The following UBR4 variants were observed in gnomAD, a reference collection of about 807,000 sequenced individuals.
UBR4 encodes ubiquitin protein ligase E3 component n-recognin 4, also known as E3 ubiquitin-protein ligase UBR4.
UBR4 carries 124 observed loss-of-function variants against 575.6 expected under a neutral mutation model. The observed-to-expected ratio is 0.22, with a 90% CI of 0.19 to 0.25. The LOEUF is 0.25. UBR4 is among the 10% of genes least tolerant of loss of function. The probability of loss-of-function intolerance (pLI) is 1.00; values close to 1 mark genes in which losing one functional copy is unlikely to be tolerated. For synonymous variants in UBR4, 2,455 were observed against 2,473.7 expected, an observed-to-expected ratio of 0.99 and a Z score of 0.22; for missense variants, 4,818 against 6,478.8, an observed-to-expected ratio of 0.74 and a Z score of 8.80.
At chr1:19,151,153 T>C in intron 48 of UBR4, 1 of 339,000 alleles carries the variant, frequency 2.9e-6, no homozygotes, top group Non-Finnish European at 5.5e-6. Context: ...ACAGCAACTA[T>C]ATCTAGAAGA....
Position 19,187,211 on chromosome 1 carries a change from G to A in UBR4, c.1585C>T (p.Pro529Ser). ...QRIQRLIDSV[P>S]LMNLLLTLLS... ...AACGTCAAGAGCAGGTTCATCAGTG[G>A]GACAGAGTCAATCAGCCGTTGAATC... Residue 529 changes from proline to serine, a missense_variant, in exon 13 of 106, where the codon CCA becomes TCA. Pro to Ser is a moderately conservative substitution (Grantham distance 74). Coordinates refer to ENST00000375254, the MANE Select transcript of UBR4 (RefSeq NM_020765.3). 1 of 1,613,734 alleles carries A rather than the reference G, an allele frequency of 6.2e-7. No homozygotes were observed. Among genetic ancestry groups the A allele is most frequent in the African/African-American group, 1.3e-5 (1 of 74,922 alleles).
rs1016415076 is a variant in UBR4, at chr1:19,157,702, C to T, written c.5760+113G>A. ...ATCTGTCCCTGAAGCATTCTTAGAACGCAGTGGACTTTTTCCCACAGAGGG... is the reference window on the plus strand; with the variant it reads ...ATCTGTCCCTGAAGCATTCTTAGAATGCAGTGGACTTTTTCCCACAGAGGG... On this transcript the variant is annotated intron_variant, in intron 40 of 105. Coordinates refer to ENST00000375254, the MANE Select transcript of UBR4 (RefSeq NM_020765.3). This position sits in a 1 kb window ranked among gnomAD's most constrained non-coding sequence, Gnocchi z 4.4. 12 of 1,328,450 alleles carry T rather than the reference C, an allele frequency of 9.0e-6. No homozygotes were observed. The highest frequency in any genetic ancestry group is 2.9e-5 in the South Asian group (2 of 68,312). 82.3% of individuals were successfully genotyped at this position (1,328,450 alleles called of 1,614,324 possible). A position where few individuals can be genotyped will look rare whatever the true frequency, so the allele number is the denominator to read the frequency against.
rs200449085 is a variant in UBR4, at chr1:19,081,778, C to T, written c.15009-205G>A. On this transcript the variant is annotated intron_variant, in intron 102 of 105. Transcript: ENST00000375254. The stretch of plus-strand genomic sequence containing the variant: ...TCGTCCCCTTCCAGGCCCTTCTTCG[C>T]GGCATCTTCCCTTCTTCCCTGGCCC... 25 of 711,762 alleles carry T rather than the reference C, an allele frequency of 3.5e-5. No individual in the cohort carries two copies. The Middle Eastern group carries it at 1.8e-3, about 52-fold the overall frequency. The allele number at this position is 711,762 out of a possible 1,614,324, so 44.1% of individuals were successfully genotyped here. A position where few individuals can be genotyped will look rare whatever the true frequency, so the allele number is the denominator to read the frequency against.
At chr1:19,180,719 C>A (rs893693221) in intron 17 of UBR4, among the ~76,000 whole-genome samples, 2 of 151,700 alleles carry the variant, frequency 1.3e-5, no homozygotes, top group Admixed American at 1.3e-4. Flanking sequence ...TTTTTTTGCT[C>A]ATTTTTCATC....
intron 54 of UBR4, among the ~76,000 whole-genome samples, chr1:19,144,403 G>A (rs1037095128): frequency 9.2e-5 from 14 of 152,194 alleles, no homozygotes; most frequent in South Asian, 6.2e-4. Context: ...AGCCCCCAGC[G>A]CACGTCTTAG....
chr1:19,167,062 C>T lies in UBR4; in HGVS notation c.4069G>A (p.Gly1357Ser). 6.2e-7 allele frequency: 1 copy of T among 1,614,194 alleles called. No homozygotes were observed. The highest frequency in any genetic ancestry group is 1.3e-5 in the African/African-American group (1 of 75,034). Residue 1357 changes from glycine (G) to serine (S), a missense_variant, in exon 29 of 106, where the codon GGT (glycine) becomes AGT (serine). By Grantham distance (56) the Gly-to-Ser change is moderately conservative. Around this residue, in one of 29 missense-constraint regions of UBR4, gnomAD observed 1,172 missense variants for 1,259.7 expected, o/e 0.93. Transcript: ENST00000375254. ...LARVYEKLIT[G>S]CYNILANHAD... is the part of the protein sequence containing the mutation. ...TGATTGGCCAGAATGTTGTAACAAC[C>T]AGTGATCAGCTTCTCATAAACACGA...
chr1:19,088,984 G>A lies in UBR4; in HGVS notation c.14212-7C>T. ...AATCAGTTCCAATCAGAACCTGCCAGTAAGAGACCAGAGAGACACATGCCT... is the reference window on the plus strand; with the variant it reads ...AATCAGTTCCAATCAGAACCTGCCAATAAGAGACCAGAGAGACACATGCCT... On this transcript the variant is annotated splice_polypyrimidine_tract_variant and splice_region_variant and intron_variant, in intron 97 of 105. Transcript: ENST00000375254. The surrounding 1 kb of genome is among the most constrained non-coding windows in gnomAD (Gnocchi z 4.0). 1 of 1,613,452 alleles carries A rather than the reference G, an allele frequency of 6.2e-7. No individual in the cohort carries two copies. Among genetic ancestry groups the A allele is most frequent in the Non-Finnish European group, 8.5e-7 (1 of 1,179,482 alleles).
At position 19,167,085 on chromosome 1, in the gene UBR4, C is replaced by G. The variant is rs201885884; in HGVS notation, c.4046G>C (p.Arg1349Pro). Residue 1349 changes from arginine to proline, a missense_variant, in exon 29 of 106, where the codon CGT becomes CCT. Coordinates refer to ENST00000375254, the MANE Select transcript of UBR4 (RefSeq NM_020765.3). Reference sequence around the variant, plus strand: ...ACCAGTGATCAGCTTCTCATAAACACGAGCCAAGAACTCATCAGACTCAGC... The same window carrying G: ...ACCAGTGATCAGCTTCTCATAAACAGGAGCCAAGAACTCATCAGACTCAGC... ...GPAESDEFLA[R>P]VYEKLITGCY... 6.2e-7 allele frequency: 1 copy of G among 1,614,186 alleles called. No homozygotes were observed. The highest frequency in any genetic ancestry group is 1.1e-5 in the South Asian group (1 of 91,088).
Position 19,209,951 on chromosome 1 carries a change from C to G in UBR4, c.176+122G>C, listed in dbSNP as rs913241821. 2.1e-5 allele frequency: 28 copies of G among 1,339,792 alleles called. No individual in the cohort carries two copies. In the African/African-American group the frequency reaches 4.2e-4, roughly 20 times the overall value. 83.0% of individuals were successfully genotyped at this position (1,339,792 alleles called of 1,614,324 possible). On this transcript the variant is annotated intron_variant, in intron 1 of 105. Transcript: ENST00000375254. ...TCTCCCCGGGCCCGGGACCCCGAAG[C>G]CGTGGCTGTGGCGGGGATCCTCAAG...
rs528083213 is a variant in UBR4 at position 19,145,410 on chromosome 1, T to C, written c.7945+383A>G. Reference sequence around the variant, plus strand: ...ATAGTGTAAGAAGTTAGAGACCAAATAGCTTAGAAATAGAATAATCCTCAA... The same window carrying C: ...ATAGTGTAAGAAGTTAGAGACCAAACAGCTTAGAAATAGAATAATCCTCAA... On this transcript the variant is annotated intron_variant, in intron 53 of 105. Coordinates refer to ENST00000375254, the MANE Select transcript of UBR4 (RefSeq NM_020765.3). Among the ~76,000 whole-genome samples the C allele has an allele frequency of 3.9e-3, 600 of 152,182 alleles. 4 individuals carry two copies. The highest frequency in any genetic ancestry group is 0.013 in the African/African-American group (534 of 41,518).
In UBR4 at chr1:19,152,831, G is replaced by A. The variant is rs1395970653; in HGVS notation, c.6833-355C>T. 6.6e-6 allele frequency among the ~76,000 whole-genome samples: 1 copy of A among 152,162 alleles called. No homozygotes were observed. The highest frequency in any genetic ancestry group is 1.5e-5 in the Non-Finnish European group (1 of 68,022). On this transcript the variant is annotated intron_variant, in intron 46 of 105. Transcript: ENST00000375254. This position sits in a 1 kb window ranked among gnomAD's most constrained non-coding sequence, Gnocchi z 4.4. Reference sequence around the variant, plus strand: ...AAATAGACTGTAGAGCAAATTTAAGGTAATGTGATGATCCCTGTAATGGTC... The same window carrying A: ...AAATAGACTGTAGAGCAAATTTAAGATAATGTGATGATCCCTGTAATGGTC...
rs1178016313 is a variant in UBR4, at chr1:19,145,895, C to T, written c.7843G>A (p.Glu2615Lys). The part of the protein sequence containing the change: ...DEGKEPQKQL[E>K]GDCCSFITQL... ...GTGATGAAACTACAGCAATCTCCTT[C>T]CAACTGCTTCTGCGGTTCCTTCCCT... Residue 2615 changes from glutamate to lysine, a missense_variant, in exon 53 of 106, where the codon GAA becomes AAA. Glu to Lys is a moderately conservative substitution (Grantham distance 56, BLOSUM62 1). Coordinates refer to ENST00000375254, the MANE Select transcript of UBR4 (RefSeq NM_020765.3). 4 of 1,614,082 alleles carry T rather than the reference C, an allele frequency of 2.5e-6. No homozygotes were observed. In the East Asian group the frequency reaches 8.9e-5, roughly 36 times the overall value.
At chr1:19,200,268 T>TAAA in intron 2 of UBR4, among the ~76,000 whole-genome samples, 1 of 135,300 alleles carries the variant, frequency 7.4e-6, no homozygotes, top group South Asian at 2.4e-4. Context: ...TGATGAGCTT[T>TAAA]AAAAAAAAAA....
At chr1:19,182,715 T>C (rs1407268877) in intron 17 of UBR4, among the ~76,000 whole-genome samples, 3 of 152,118 alleles carry the variant, frequency 2.0e-5, no homozygotes, top group African/African-American at 7.2e-5. Flanking sequence ...CATAATGGAA[T>C]ATCATACAGT....
At chr1:19,210,018 C>A in intron 1 of UBR4, 55 bp downstream of exon 1, 1 of 1,484,210 alleles carries the variant, frequency 6.7e-7, no homozygotes. Context: ...GACGATCCGG[C>A]TCGAAATCCC....
intron 34 of UBR4, among the ~76,000 whole-genome samples, chr1:19,163,124 C>A (rs901718232): frequency 3.9e-5 from 6 of 152,162 alleles, no homozygotes; most frequent in Non-Finnish European, 8.8e-5. Context: ...AATTAATTGG[C>A]ATCAAAGACT....
chr1:19,122,837 C>T lies in UBR4; in HGVS notation c.9812G>A (p.Ser3271Asn). ...ACCAGGTCCCAGCCCTCGTACCAGG[C>T]TGATGAGTGTGTCATATTGCAAGGC... ...GSALQYDTLI[S>N]LMEHLKACAE... The change falls in exon 66 of 106, where the codon AGC becomes AAC. Residue 3271 changes from serine to asparagine, a missense_variant. Transcript: ENST00000375254. The T allele has an allele frequency of 6.2e-7, 1 of 1,614,250 alleles. No individual in the cohort carries two copies. The highest frequency in any genetic ancestry group is 2.2e-5 in the East Asian group (1 of 44,892).
At position 19,153,365 on chromosome 1, in the gene UBR4, G is replaced by C. The variant is rs1039800959; in HGVS notation, c.6768C>G (p.Ser2256=). 12 of 1,614,048 alleles carry C rather than the reference G, an allele frequency of 7.4e-6. No homozygotes were observed. The highest frequency in any genetic ancestry group is 3.3e-5 in the Admixed American group (2 of 59,994). The change falls in exon 46 of 106, where the codon TCC becomes TCG. Residue 2256 remains serine (S), a synonymous_variant. Coordinates refer to ENST00000375254, the MANE Select transcript of UBR4 (RefSeq NM_020765.3). The surrounding 1 kb of genome is among the most constrained non-coding windows in gnomAD (Gnocchi z 4.1). ...VENTSYWLQP[S]LQPSSVISIM... is the part of the protein sequence containing the mutation. Reference sequence around the variant, plus strand: ...TGCTGATGACACTGCTGGGCTGCAGGGATGGCTGCAGCCAGTAGGAGGTGT... The same window carrying C: ...TGCTGATGACACTGCTGGGCTGCAGCGATGGCTGCAGCCAGTAGGAGGTGT...
intron 17 of UBR4, among the ~76,000 whole-genome samples, chr1:19,183,351 A>G (rs904239760): frequency 1.3e-5 from 2 of 152,188 alleles, no homozygotes; most frequent in African/African-American, 2.4e-5. Context: ...CCTAAATATA[A>G]GGCACAGGGA....
Sources: allele counts gnomAD v4.1 joint callset (sites outside exome capture counted in the v4.1 genomes callset), GRCh38; gene constraint gnomAD v4.1.1; regional missense constraint gnomAD v4.1.1; non-coding constraint Gnocchi (gnomAD v3.1); transcripts MANE v1.5; gene names NCBI Gene and HGNC (gene_info 2026-07-23, HGNC 2026-07-21).